TMPRSS9: variants seen among roughly 807,000 people sequenced by gnomAD.
TMPRSS9 encodes the protein transmembrane protease serine 9.
A neutral mutation model predicts 111.4 loss-of-function variants in TMPRSS9; 113 were observed. The observed-to-expected ratio is 1.01, with a 90% CI of 0.87 to 1.19. The LOEUF is 1.19. Ranked by LOEUF, TMPRSS9 falls within the 50% of genes most tolerant of loss-of-function variation. The pLI, the probability that TMPRSS9 is intolerant of heterozygous loss-of-function variation, is 0.00. For missense variants in TMPRSS9, 1,803 were observed against 1,513.1 expected (o/e 1.19, Z -3.18); for synonymous variants, 805 against 659.1 (o/e 1.22, Z -3.39).
chr19:2,414,604 G>A (rs559745647), intron 10 of TMPRSS9, among the ~76,000 whole-genome samples: 8 of 151,926 alleles, frequency 5.3e-5, no homozygotes, highest in East Asian at 4.0e-4. Context: ...GGCAGGGTGC[G>A]GTGGCTCGTG....
rs569268823 is a variant in TMPRSS9, at chr19:2,422,611, C to T, written c.2548+364C>T. On this transcript the variant is annotated intron_variant, in intron 14 of 17. Transcript: ENST00000648592. ...AGACATAACGGCCTCTCTGGCTGGG[C>T]GCGGTGGCTCATGCCTGTAATCCCA... Among the ~76,000 whole-genome samples the T allele has an allele frequency of 9.0e-4, 136 of 151,164 alleles. 1 individual carries two copies. The highest frequency in any genetic ancestry group is 2.8e-3 in the African/African-American group (113 of 41,072).
rs1458516801 is a variant in TMPRSS9, at chr19:2,425,503, G to A, written c.3120+10G>A. ...CGTGGACAGCTGCTCGGTGAGCCCC[G>A]CCCCGGCCCAGGGGACCAGGTCCCG... On this transcript the variant is annotated intron_variant, in intron 17 of 17. Transcript: ENST00000648592. 2.6e-6 allele frequency: 4 copies of A among 1,561,738 alleles called. No homozygotes were observed. The highest frequency in any genetic ancestry group is 3.4e-6 in the Non-Finnish European group (4 of 1,161,564).
chr19:2,415,588 C>G (rs760305477), intron 10 of TMPRSS9, 82 bp from the exon 12 acceptor site: 3 of 1,302,664 alleles, frequency 2.3e-6, no homozygotes, highest in Non-Finnish European at 3.1e-6. Flanking sequence ...TGGCTGCAAC[C>G]GGTGTCCTGG....
chr19:2,396,796 G>A lies in TMPRSS9; in HGVS notation c.270+130G>A, dbSNP rs1050605089. 103 of 1,331,460 alleles carry A rather than the reference G, an allele frequency of 7.7e-5. No individual in the cohort carries two copies. The African/African-American group carries it at 1.4e-3, about 18-fold the overall frequency. 82.5% of individuals were successfully genotyped at this position (1,331,460 alleles called of 1,614,324 possible). On this transcript the variant is annotated intron_variant, in intron 2 of 17. Transcript: ENST00000648592. ...AAGCTGAGGTGGAGGCTGTGAGACC[G>A]GGAGGCCAGGCCAGGGGGCGGGCAG... is the stretch of plus-strand genomic sequence containing the variant.
chr19:2,381,839 C>CATTT (rs144422971), intron 1 of TMPRSS9, among the ~76,000 whole-genome samples: 68,448 of 151,626 alleles, frequency 0.45, 16,218 homozygotes, highest in East Asian at 0.6. Context: ...TTCATTCATT[C>CATTT]ATTCATTCAT....
intron 2 of TMPRSS9, among the ~76,000 whole-genome samples, chr19:2,397,119 C>T (rs1970727384): frequency 6.6e-6 from 1 of 151,768 alleles, no homozygotes; most frequent in African/African-American, 2.4e-5. Context: ...CGGGGTTTCA[C>T]CATGTAGGAC....
At chr19:2,396,345 T>G in intron 1 of TMPRSS9, 194 bp from the exon 3 acceptor site, 1 of 588,182 alleles carries the variant, frequency 1.7e-6, no homozygotes, top group Non-Finnish European at 2.7e-6. Context: ...CAAACCAGGA[T>G]GCTTTTGGGA....
At chr19:2,360,827 T>C (rs1239998373) in intron 1 of TMPRSS9, among the ~76,000 whole-genome samples, 4 of 150,896 alleles carry the variant, frequency 2.7e-5, no homozygotes, top group Non-Finnish European at 5.9e-5. Flanking sequence ...ATTGTGTGGA[T>C]GTATCTAGCG....
At chr19:2,379,616 T>C (rs577350685) in intron 1 of TMPRSS9, among the ~76,000 whole-genome samples, 80 of 9,422 alleles carry the variant, frequency 8.5e-3, no homozygotes, top group Non-Finnish European at 0.017. Flanking sequence ...ACTTTCTTTC[T>C]CTTTCTTTCT....
chr19:2,388,448 G>T (rs574798881), upstream of TMPRSS9, among the ~76,000 whole-genome samples: 15 of 152,264 alleles, frequency 9.9e-5, no homozygotes, highest in South Asian at 1.5e-3. Flanking sequence ...CTGCACTGTG[G>T]CTGTGAAGGG....
chr19:2,399,048 C>T, exon 4 of TMPRSS9: 1 of 1,612,992 alleles, frequency 6.2e-7, no homozygotes, highest in Non-Finnish European at 8.5e-7. Flanking sequence ...TCGTACATTT[C>T]CAGCTGCACT....
chr19:2,379,631 T>TTCTTTC (rs1555676550), intron 1 of TMPRSS9, among the ~76,000 whole-genome samples: 19 of 144,268 alleles, frequency 1.3e-4, no homozygotes, highest in African/African-American at 5.1e-4. Flanking sequence ...CTTTCTTTCT[T>TTCTTTC]TCTTTCTTTC....
At chr19:2,424,221 A>G (rs1055230296) in exon 15 of TMPRSS9, 2 of 1,433,114 alleles carry the variant, frequency 1.4e-6, no homozygotes, top group Non-Finnish European at 1.8e-6. Flanking sequence ...CTGGTGGCAG[A>G]GAGGTGGCTG....
At chr19:2,389,350 CAGGCAT>C (rs892288459), upstream of TMPRSS9, among the ~76,000 whole-genome samples, 3 of 150,086 alleles carry the variant, frequency 2.0e-5, no homozygotes, top group African/African-American at 7.4e-5. Flanking sequence ...GCTGGGATTA[CAGGCAT>C]AAGCCACCGC....
At chr19:2,386,375 G>A (rs1224890881), upstream of TMPRSS9, among the ~76,000 whole-genome samples, 1 of 151,878 alleles carries the variant, frequency 6.6e-6, no homozygotes, top group East Asian at 1.9e-4. Flanking sequence ...CGTGGTGGCG[G>A]GCGCCTGTAG....
intron 4 of TMPRSS9, 63 bp downstream of exon 5, chr19:2,399,256 A>G: frequency 6.6e-7 from 1 of 1,508,110 alleles, no homozygotes; most frequent in East Asian, 2.3e-5. Context: ...AGGAGCTGCA[A>G]GATACATTTT....
chr19:2,373,438 C>T (rs1317318189), intron 1 of TMPRSS9, among the ~76,000 whole-genome samples: 1 of 151,770 alleles, frequency 6.6e-6, no homozygotes, highest in African/African-American at 2.4e-5. Context: ...TGATGTTGGC[C>T]AGGCTGGTCT....
chr19:2,401,068 A>C (rs1263954786), intron 4 of TMPRSS9, among the ~76,000 whole-genome samples: 1 of 147,648 alleles, frequency 6.8e-6, no homozygotes, highest in East Asian at 2.0e-4. Context: ...AGGTCAGGAG[A>C]TCGAGACCAT....
chr19:2,396,662 C>G, exon 2 of TMPRSS9: 4 of 1,608,138 alleles, frequency 2.5e-6, no homozygotes, highest in Non-Finnish European at 2.5e-6. Context: ...ACCCTGGAGG[C>G]ACTGGTGAGG....
Sources: allele counts gnomAD v4.1 joint callset (sites outside exome capture counted in the v4.1 genomes callset), GRCh38; gene constraint gnomAD v4.1.1; transcripts MANE v1.5; gene names NCBI Gene and HGNC (gene_info 2026-07-23, HGNC 2026-07-21).